The following ANKRD31 variants were observed in gnomAD, a reference collection of about 807,000 sequenced individuals.
ANKRD31 encodes the protein ankyrin repeat domain 31, also known as ankyrin repeat domain-containing protein 31.
A neutral mutation model predicts 186.0 loss-of-function variants in ANKRD31; 147 were observed. That is an observed-to-expected ratio of 0.79 (90% CI 0.69 to 0.91). ANKRD31 has a LOEUF of 0.91. Among genes scored for constraint, ANKRD31 ranks in the 40% least tolerant of loss-of-function variants. The pLI is 0.00. For missense variants in ANKRD31, 1,986 were observed against 2,148.8 expected (o/e 0.92, Z 1.50); for synonymous variants, 673 against 736.4 (o/e 0.91, Z 1.39).
intron 19 of ANKRD31, among the ~76,000 whole-genome samples, chr5:75,113,195 T>C (rs910728855): frequency 4.6e-5 from 7 of 152,184 alleles, no homozygotes; most frequent in African/African-American, 1.4e-4. Context: ...GTGTAAATCC[T>C]AGCTTCACCT....
chr5:75,137,202 A>G (rs1016165202), intron 17 of ANKRD31, among the ~76,000 whole-genome samples: 1 of 152,176 alleles, frequency 6.6e-6, no homozygotes, highest in Non-Finnish European at 1.5e-5. Context: ...ATATTTTATT[A>G]TAAAACAAAT....
At chr5:75,199,965 T>C (rs1231224745) in intron 5 of ANKRD31, among the ~76,000 whole-genome samples, 1 of 152,240 alleles carries the variant, frequency 6.6e-6, no homozygotes, top group Non-Finnish European at 1.5e-5. Flanking sequence ...TTATACTAAG[T>C]ACAGCATTTG....
At chr5:75,097,597 T>C (rs1459236865) in intron 22 of ANKRD31, among the ~76,000 whole-genome samples, 1 of 152,212 alleles carries the variant, frequency 6.6e-6, no homozygotes, top group Admixed American at 6.5e-5. Context: ...TGTTCTCCCA[T>C]TCTGTAGGTT....
Position 75,234,144 on chromosome 5 carries a change from T to C in ANKRD31, c.104+2439A>G, listed in dbSNP as rs1758114893. Among the ~76,000 whole-genome samples, 4 of 151,538 alleles carry C rather than the reference T, an allele frequency of 2.6e-5. No individual in the cohort carries two copies. In the South Asian group the frequency reaches 8.3e-4, roughly 31 times the overall value. On this transcript the variant is annotated intron_variant, in intron 1 of 25. Transcript: ENST00000506364. ...TAATGACATTGCAAATGTTTAAAAATAATGTTAAGCGAAAACTGTAAACTT... is the reference window on the plus strand; with the variant it reads ...TAATGACATTGCAAATGTTTAAAAACAATGTTAAGCGAAAACTGTAAACTT...
chr5:75,095,841 C>T (rs12653162), intron 22 of ANKRD31, among the ~76,000 whole-genome samples: 76,731 of 151,878 alleles, frequency 0.51, 22,321 homozygotes, highest in African/African-American at 0.81. Context: ...ATACAGGGTT[C>T]GGGACTATCT....
intron 17 of ANKRD31, among the ~76,000 whole-genome samples, chr5:75,133,608 A>G (rs1008002367): frequency 1.2e-4 from 18 of 152,208 alleles, no homozygotes; most frequent in African/African-American, 4.1e-4. Flanking sequence ...CAGATCAACG[A>G]GACAGAAAGT....
At chr5:75,077,919 G>A (rs1475514318) in intron 25 of ANKRD31, among the ~76,000 whole-genome samples, 3 of 124,586 alleles carry the variant, frequency 2.4e-5, no homozygotes, top group Non-Finnish European at 4.8e-5. Context: ...GCGAAAGAGC[G>A]AGACTCCGTC....
chr5:75,104,152 C>T, intron 22 of ANKRD31, 76 bp downstream of exon 22: 1 of 1,252,896 alleles, frequency 8.0e-7, no homozygotes, highest in Non-Finnish European at 1.1e-6. Flanking sequence ...AGCTAAATGT[C>T]TATATTATGT....
intron 2 of ANKRD31, among the ~76,000 whole-genome samples, chr5:75,227,994 G>A (rs1056282314): frequency 7.2e-5 from 11 of 152,152 alleles, no homozygotes; most frequent in Non-Finnish European, 1.0e-4. Flanking sequence ...ACCCCCAACC[G>A]CCATCCTGGG....
At chr5:75,185,426 C>T (rs759981630) in intron 10 of ANKRD31, among the ~76,000 whole-genome samples, 20 of 152,018 alleles carry the variant, frequency 1.3e-4, no homozygotes, top group Non-Finnish European at 2.4e-4. Context: ...GGCATGGTGG[C>T]GGGCGCCTGT....
intron 25 of ANKRD31, among the ~76,000 whole-genome samples, chr5:75,068,924 G>C (rs1351563410): frequency 7.0e-6 from 1 of 143,166 alleles, no homozygotes; most frequent in Non-Finnish European, 1.5e-5. Flanking sequence ...TCTGAAGGTA[G>C]TGGTACAAGC....
intron 25 of ANKRD31, among the ~76,000 whole-genome samples, chr5:75,070,925 C>T (rs1251020604): frequency 6.6e-6 from 1 of 152,000 alleles, no homozygotes; most frequent in African/African-American, 2.4e-5. Flanking sequence ...AGATCTTGTC[C>T]CTATAAAACA....
At chr5:75,091,210 G>C in intron 23 of ANKRD31, 51 bp downstream of exon 23, 1 of 1,488,718 alleles carries the variant, frequency 6.7e-7, no homozygotes, top group South Asian at 1.3e-5. Context: ...ACAAAAATAT[G>C]TACTTTTCCA....
chr5:75,096,881 A>G (rs1336516260), intron 22 of ANKRD31, among the ~76,000 whole-genome samples: 2 of 146,740 alleles, frequency 1.4e-5, no homozygotes, highest in Non-Finnish European at 3.0e-5. Flanking sequence ...TCACTGTTCA[A>G]TTCCCACCTA....
intron 10 of ANKRD31, among the ~76,000 whole-genome samples, chr5:75,185,836 T>G (rs1181552120): frequency 1.3e-5 from 2 of 151,648 alleles, no homozygotes; most frequent in Non-Finnish European, 2.9e-5. Context: ...ATACATATAA[T>G]TATAGTTATT....
At chr5:75,136,708 T>C (rs565553495) in intron 17 of ANKRD31, among the ~76,000 whole-genome samples, 2 of 152,300 alleles carry the variant, frequency 1.3e-5, no homozygotes, top group South Asian at 2.1e-4. Flanking sequence ...TAAAGACACA[T>C]GCACATGTAC....
rs905434927 is a variant in ANKRD31, at chr5:75,175,366, A to T, written c.1565-6245T>A. ...TGCATGTTGTGCACATGTACCCTAG[A>T]GCTTCAAGTATATTAAAAAAAGAAT... On this transcript the variant is annotated intron_variant, in intron 10 of 25. Transcript: ENST00000506364. 3.3e-5 allele frequency among the ~76,000 whole-genome samples: 5 copies of T among 152,266 alleles called. No individual in the cohort carries two copies. The South Asian group carries it at 1.0e-3, about 32-fold the overall frequency.
chr5:75,141,901 T>C (rs1055927210), intron 15 of ANKRD31, among the ~76,000 whole-genome samples: 2 of 152,268 alleles, frequency 1.3e-5, no homozygotes, highest in Admixed American at 6.5e-5. Context: ...CCATGTAATA[T>C]ACATTTTGGA....
intron 10 of ANKRD31, among the ~76,000 whole-genome samples, chr5:75,185,468 G>A (rs1385992479): frequency 1.3e-5 from 2 of 152,102 alleles, no homozygotes; most frequent in Admixed American, 6.6e-5. Context: ...TGAGAAAGGA[G>A]AATCGCTTGA....
Sources: gnomAD v4.1 joint callset for allele counts (sites outside exome capture counted in the v4.1 genomes callset) on GRCh38, gnomAD v4.1.1 for gene constraint, MANE v1.5 for transcripts, NCBI Gene and HGNC (gene_info 2026-07-23, HGNC 2026-07-21) for gene names.